CABLES1: variants seen among roughly 807,000 people sequenced by gnomAD.
CABLES1 encodes the protein Cdk5 and Abl enzyme substrate 1.
CABLES1 carries 36 observed loss-of-function variants against 57.8 expected under a neutral mutation model. The observed-to-expected ratio is 0.62, with a 90% CI of 0.48 to 0.82. CABLES1 has a LOEUF of 0.82. Ranked by LOEUF, CABLES1 falls within the 40% of genes least tolerant of loss-of-function variation. The pLI is 0.00. For synonymous variants in CABLES1, 374 were observed against 363.0 expected (o/e 1.03, Z -0.35); for missense variants, 767 against 836.6 (o/e 0.92, Z 1.03).
chr18:23,202,637 C>T (rs1375532603), intron 3 of CABLES1, among the ~76,000 whole-genome samples: 1 of 152,226 alleles, frequency 6.6e-6, no homozygotes, highest in Non-Finnish European at 1.5e-5. Context: ...TCGCTCATTG[C>T]TGGCCAGGAA....
rs567593614 is a variant in CABLES1 at position 23,203,498 on chromosome 18, G to C, written c.1010+8958G>C. On this transcript the variant is annotated intron_variant, in intron 3 of 9. Coordinates refer to ENST00000256925, the MANE Select transcript of CABLES1 (RefSeq NM_001100619.3). ...GAAAGAAACACGTTAAAAGACTTCA[G>C]CACCCTTTATCTGCATTTTAAAGGA... Among the ~76,000 whole-genome samples the C allele has an allele frequency of 2.2e-3, 339 of 152,058 alleles. 9 individuals are homozygous for C. In the South Asian group the frequency reaches 0.053, roughly 24 times the overall value.
intron 1 of CABLES1, among the ~76,000 whole-genome samples, chr18:23,166,519 ATG>A (rs1358377228): frequency 6.6e-6 from 1 of 152,160 alleles, no homozygotes; most frequent in Non-Finnish European, 1.5e-5. Flanking sequence ...TTTTTAAACT[ATG>A]TATTTTTTTC....
intron 6 of CABLES1, 57 bp from the exon 7 acceptor site, chr18:23,237,085 G>GC: frequency 2.0e-6 from 2 of 1,021,158 alleles, no homozygotes; most frequent in Non-Finnish European, 3.1e-6. Flanking sequence ...GGCTGTCTCT[G>GC]CTGGGGAGGG....
intron 1 of CABLES1, among the ~76,000 whole-genome samples, chr18:23,172,098 A>AT: frequency 6.6e-6 from 1 of 152,032 alleles, no homozygotes; most frequent in Non-Finnish European, 1.5e-5. Context: ...CTTTTTGTGT[A>AT]TTTTTTGTAG....
intron 2 of CABLES1, chr18:23,190,326 A>T (rs1298341243): frequency 6.6e-6 from 1 of 152,182 alleles, no homozygotes; most frequent in Non-Finnish European, 1.5e-5. Flanking sequence ...AATAACGTTG[A>T]GAAGCCCCTG....
intron 4 of CABLES1, among the ~76,000 whole-genome samples, chr18:23,230,143 C>T (rs1184389586): frequency 6.6e-6 from 1 of 152,196 alleles, no homozygotes; most frequent in Non-Finnish European, 1.5e-5. Context: ...GGAGGCCAGG[C>T]GGGCGGATCA....
intron 4 of CABLES1, among the ~76,000 whole-genome samples, chr18:23,230,994 G>A (rs1208172170): frequency 6.6e-6 from 1 of 151,884 alleles, no homozygotes; most frequent in Non-Finnish European, 1.5e-5. Context: ...GATGGTGCAA[G>A]GCATGGGTCC....
intron 1 of CABLES1, among the ~76,000 whole-genome samples, chr18:23,147,946 A>C (rs1200140829): frequency 7.0e-6 from 1 of 142,666 alleles, no homozygotes; most frequent in Non-Finnish European, 1.5e-5. Flanking sequence ...TATAGCCCTC[A>C]TTCCATGGTC....
chr18:23,140,313 C>T (rs896399077), intron 1 of CABLES1, among the ~76,000 whole-genome samples: 1 of 152,214 alleles, frequency 6.6e-6, no homozygotes. Context: ...TACTCTACTT[C>T]CCGGAGATTC....
chr18:23,195,677 G>C (rs1337707504), intron 3 of CABLES1, among the ~76,000 whole-genome samples: 2 of 152,170 alleles, frequency 1.3e-5, no homozygotes, highest in African/African-American at 4.8e-5. Flanking sequence ...TACATCGTCA[G>C]TATATGTTCA....
chr18:23,150,207 G>GTTTTTTGTTTTTTGTT (rs1555658964), intron 1 of CABLES1, among the ~76,000 whole-genome samples: 33 of 106,660 alleles, frequency 3.1e-4, no homozygotes, highest in African/African-American at 1.4e-3. Flanking sequence ...GTTGGTGTTT[G>GTTTTTTGTTTTTTGTT]TTTTTTTTTT....
At chr18:23,142,764 A>C (rs1392328481) in intron 1 of CABLES1, among the ~76,000 whole-genome samples, 1 of 152,062 alleles carries the variant, frequency 6.6e-6, no homozygotes, top group Non-Finnish European at 1.5e-5. Flanking sequence ...TAGAGTGGTG[A>C]GTGAGTGGTT....
At chr18:23,240,887 C>G (rs1327107686) in intron 7 of CABLES1, among the ~76,000 whole-genome samples, 1 of 152,208 alleles carries the variant, frequency 6.6e-6, no homozygotes, top group Non-Finnish European at 1.5e-5. Flanking sequence ...TTTCACCCAT[C>G]AAATCCTGCT....
chr18:23,154,235 C>T (rs2046951346), intron 1 of CABLES1, among the ~76,000 whole-genome samples: 1 of 151,842 alleles, frequency 6.6e-6, no homozygotes, highest in African/African-American at 2.4e-5. Flanking sequence ...CTTCTGGAAA[C>T]CTCATAATCA....
At chr18:23,136,940 C>G (rs1477015432) in intron 1 of CABLES1, among the ~76,000 whole-genome samples, 1 of 152,236 alleles carries the variant, frequency 6.6e-6, no homozygotes, top group East Asian at 1.9e-4. Flanking sequence ...GAAACCCGGT[C>G]CAGACCCGGA....
At chr18:23,234,286 G>A (rs935661881) in intron 4 of CABLES1, among the ~76,000 whole-genome samples, 25 of 152,334 alleles carry the variant, frequency 1.6e-4, no homozygotes, top group South Asian at 4.1e-4. Context: ...GTGGTCCCAC[G>A]ATGCCCAGGG....
At chr18:23,243,454 G>T (rs2047788000) in intron 7 of CABLES1, among the ~76,000 whole-genome samples, 1 of 150,972 alleles carries the variant, frequency 6.6e-6, no homozygotes, top group Non-Finnish European at 1.5e-5. Flanking sequence ...GGTTGTTTTG[G>T]GTGTGGGTTT....
At chr18:23,184,612 A>G (rs775564224) in intron 1 of CABLES1, among the ~76,000 whole-genome samples, 10 of 152,292 alleles carry the variant, frequency 6.6e-5, no homozygotes, top group Middle Eastern at 6.8e-3. Flanking sequence ...CTGAGGCACA[A>G]GAATTGATTG....
At chr18:23,247,805 T>C (rs1018371079) in intron 7 of CABLES1, among the ~76,000 whole-genome samples, 4 of 152,230 alleles carry the variant, frequency 2.6e-5, no homozygotes, top group Admixed American at 2.0e-4. Context: ...AAGGCCGGGA[T>C]GCAGAAGAGT....
Sources: allele counts gnomAD v4.1 joint callset (sites outside exome capture counted in the v4.1 genomes callset), GRCh38; gene constraint gnomAD v4.1.1; transcripts MANE v1.5; gene names NCBI Gene and HGNC (gene_info 2026-07-23, HGNC 2026-07-21).